NRXN1: variants seen among roughly 807,000 people sequenced by gnomAD.
The protein encoded by NRXN1 is neurexin-1.
NRXN1 carries 39 observed loss-of-function variants against 150.9 expected under a neutral mutation model. That is an observed-to-expected ratio of 0.26 (90% CI 0.20 to 0.34). NRXN1 has a LOEUF of 0.34. Ranked by LOEUF, NRXN1 falls within the 10% of genes least tolerant of loss-of-function variation. The probability of loss-of-function intolerance (pLI) is 1.00; values close to 1 mark genes in which losing one functional copy is unlikely to be tolerated. For synonymous variants in NRXN1, 924 were observed against 757.0 expected (o/e 1.22, Z -3.62); for missense variants, 1,815 against 1,949.9 (o/e 0.93, Z 1.30).
chr2:50,222,760 G>C (rs1349962355), intron 18 of NRXN1, among the ~76,000 whole-genome samples: 1 of 151,820 alleles, frequency 6.6e-6, no homozygotes, highest in Non-Finnish European at 1.5e-5. Flanking sequence ...TTGCAGAATA[G>C]TATGCACATG....
At chr2:50,867,410 G>A (rs543079933) in intron 5 of NRXN1, among the ~76,000 whole-genome samples, 1 of 151,858 alleles carries the variant, frequency 6.6e-6, no homozygotes, top group Non-Finnish European at 1.5e-5. Flanking sequence ...AAATGGTTGA[G>A]AGGGGACAGA....
At chr2:50,779,978 C>T (rs545874308) in intron 5 of NRXN1, among the ~76,000 whole-genome samples, 1 of 152,168 alleles carries the variant, frequency 6.6e-6, no homozygotes, top group Admixed American at 6.5e-5. Context: ...ATTTACACTC[C>T]CACCAACAGT....
chr2:50,381,674 TG>T (rs1052186214), intron 17 of NRXN1, among the ~76,000 whole-genome samples: 18 of 152,150 alleles, frequency 1.2e-4, no homozygotes, highest in African/African-American at 4.3e-4. Context: ...ATTAGGTTGG[TG>T]GAAAAGTAAT....
intron 17 of NRXN1, among the ~76,000 whole-genome samples, chr2:50,349,874 T>C (rs1433273946): frequency 6.6e-6 from 1 of 152,200 alleles, no homozygotes; most frequent in Non-Finnish European, 1.5e-5. Context: ...TCATATATTG[T>C]GTTAATCTAT....
At chr2:50,231,658 A>C (rs1288277069) in intron 18 of NRXN1, among the ~76,000 whole-genome samples, 2 of 152,112 alleles carry the variant, frequency 1.3e-5, no homozygotes, top group African/African-American at 2.4e-5. Flanking sequence ...CTCTTCACTC[A>C]TCCCCTCCTC....
intron 5 of NRXN1, chr2:50,829,586 G>A (rs974087527): frequency 8.7e-6 from 14 of 1,612,020 alleles, no homozygotes; most frequent in South Asian, 3.3e-5. Flanking sequence ...TGTAGCCATC[G>A]TCTGTGCTGG....
At chr2:50,822,176 T>G (rs985757934) in intron 5 of NRXN1, among the ~76,000 whole-genome samples, 1 of 152,136 alleles carries the variant, frequency 6.6e-6, no homozygotes, top group Non-Finnish European at 1.5e-5. Flanking sequence ...TAACATAAAT[T>G]TTTAAAATAT....
chr2:50,539,547 C>A (rs1324859177), intron 9 of NRXN1, among the ~76,000 whole-genome samples: 5 of 152,062 alleles, frequency 3.3e-5, no homozygotes, highest in African/African-American at 1.2e-4. Context: ...AGATATAAAG[C>A]ATATTCCTGA....
intron 22 of NRXN1, among the ~76,000 whole-genome samples, chr2:49,931,280 A>C (rs1282506764): frequency 6.6e-6 from 1 of 152,192 alleles, no homozygotes; most frequent in Non-Finnish European, 1.5e-5. Context: ...TATTTACTTC[A>C]TTAAATCAGA....
intron 18 of NRXN1, among the ~76,000 whole-genome samples, chr2:50,222,421 C>G (rs1036518558): frequency 1.3e-5 from 2 of 151,970 alleles, no homozygotes; most frequent in African/African-American, 2.4e-5. Flanking sequence ...TATATGAAAA[C>G]ACTCCAGTTT....
chr2:50,542,422 T>C lies in NRXN1; in HGVS notation c.1760-3786A>G, dbSNP rs2093412134. Among the ~76,000 whole-genome samples, 3 of 152,224 alleles carry C rather than the reference T, an allele frequency of 2.0e-5. No individual in the cohort carries two copies. In the South Asian group the frequency reaches 6.2e-4, roughly 32 times the overall value. ...TTAAATTGAGCTCTGGATTCAAAGT[T>C]AAGGAGACACATCAGGCAAATGGAT... On this transcript the variant is annotated intron_variant, in intron 9 of 22. Coordinates refer to ENST00000401669, the MANE Select transcript of NRXN1 (RefSeq NM_001330078.2).
rs895679442 is a variant in NRXN1 at position 50,901,264 on chromosome 2, G to A, written c.832+20605C>T. On this transcript the variant is annotated intron_variant, in intron 5 of 22. Coordinates refer to ENST00000401669, the MANE Select transcript of NRXN1 (RefSeq NM_001330078.2). ...AGAAAACAAAGATGAGGCTGGGCACGGTGGCTCACACCTGTAATCCCAGCA... is the reference window on the plus strand; with the variant it reads ...AGAAAACAAAGATGAGGCTGGGCACAGTGGCTCACACCTGTAATCCCAGCA... Among the ~76,000 whole-genome samples, 12 of 152,138 alleles carry A rather than the reference G, an allele frequency of 7.9e-5. No homozygotes were observed. The East Asian group carries it at 1.4e-3, about 17-fold the overall frequency.
intron 2 of NRXN1, among the ~76,000 whole-genome samples, chr2:50,956,174 C>G (rs543837513): frequency 6.6e-6 from 1 of 152,206 alleles, no homozygotes; most frequent in Admixed American, 6.5e-5. Context: ...AGAGAGAGAT[C>G]ACATTCACAT....
intron 5 of NRXN1, among the ~76,000 whole-genome samples, chr2:50,807,087 G>C (rs1005188396): frequency 6.6e-5 from 10 of 152,082 alleles, no homozygotes; most frequent in African/African-American, 2.4e-4. Flanking sequence ...GAGTGTTATA[G>C]AAAAGCCAGT....
At chr2:50,938,635 T>C (rs936960501) in intron 2 of NRXN1, among the ~76,000 whole-genome samples, 7 of 152,188 alleles carry the variant, frequency 4.6e-5, no homozygotes, top group African/African-American at 1.4e-4. Context: ...GACTGGGTAA[T>C]TCATAAAGAG....
chr2:50,103,586 T>G (rs10181939), intron 18 of NRXN1, among the ~76,000 whole-genome samples: 91,229 of 151,818 alleles, frequency 0.6, 28,374 homozygotes, highest in African/African-American at 0.74. Flanking sequence ...TAAATGAAGT[T>G]AAATGAGCAT....
intron 5 of NRXN1, among the ~76,000 whole-genome samples, chr2:50,661,585 G>T (rs1687311406): frequency 6.6e-6 from 1 of 152,034 alleles, no homozygotes; most frequent in South Asian, 2.1e-4. Context: ...AGCCCCAGAG[G>T]CTGGTATGGT....
intron 8 of NRXN1, among the ~76,000 whole-genome samples, chr2:50,580,453 T>C (rs1268787199): frequency 1.3e-5 from 2 of 152,218 alleles, no homozygotes; most frequent in Admixed American, 6.5e-5. Flanking sequence ...AAAATGTCTA[T>C]AATTATTTTT....
intron 2 of NRXN1, among the ~76,000 whole-genome samples, chr2:50,955,290 C>T (rs547280383): frequency 3.3e-5 from 5 of 152,144 alleles, no homozygotes; most frequent in East Asian, 1.9e-4. Context: ...AGGAGAGGGA[C>T]GGCTGGCCCT....
Sources: allele counts gnomAD v4.1 joint callset (sites outside exome capture counted in the v4.1 genomes callset), GRCh38; gene constraint gnomAD v4.1.1; transcripts MANE v1.5; gene names NCBI Gene and HGNC (gene_info 2026-07-23, HGNC 2026-07-21).